ADGRL3: variants seen among roughly 807,000 people sequenced by gnomAD.
ADGRL3 encodes adhesion G protein-coupled receptor L3.
ADGRL3 carries 62 observed loss-of-function variants against 153.5 expected under a neutral mutation model. The observed-to-expected ratio is 0.40, with a 90% CI of 0.33 to 0.50. ADGRL3 has a LOEUF of 0.50. ADGRL3 is among the 20% of genes least tolerant of loss of function. The probability of loss-of-function intolerance (pLI) is 0.47; values close to 1 mark genes in which losing one functional copy is unlikely to be tolerated. For synonymous variants in ADGRL3, 710 were observed against 672.5 expected (o/e 1.06, Z -0.86); for missense variants, 1,641 against 1,859.4 (o/e 0.88, Z 2.16).
rs1398457118 is a variant in ADGRL3, at chr4:62,007,381, T to TAC, written c.3395+9117_3395+9118insCA. Among the ~76,000 whole-genome samples the TAC allele has an allele frequency of 6.9e-3, 64 of 9,316 alleles. 1 individual carries two copies. The highest frequency in any genetic ancestry group is 0.023 in the East Asian group (2 of 86). 6.1% of individuals were successfully genotyped at this position (9,316 alleles called of 152,430 possible). A position where few individuals can be genotyped will look rare whatever the true frequency, so the allele number is the denominator to read the frequency against. On this transcript the variant is annotated intron_variant, in intron 21 of 26. Coordinates refer to ENST00000683033, the MANE Select transcript of ADGRL3 (RefSeq NM_001387552.1). Reference sequence around the variant, plus strand: ...TTATATATATATATATATATATATATATACACACACACACATATATATATA... The same window carrying TAC: ...TTATATATATATATATATATATATATACATACACACACACACATATATATATA...
intron 1 of ADGRL3, among the ~76,000 whole-genome samples, chr4:61,334,228 T>A (rs1033620741): frequency 1.3e-4 from 20 of 152,304 alleles, no homozygotes; most frequent in East Asian, 3.9e-4. Context: ...ACATTTTTTT[T>A]AAATGCTTTT....
chr4:62,058,622 C>G (rs1444253967), intron 25 of ADGRL3, among the ~76,000 whole-genome samples: 2 of 152,108 alleles, frequency 1.3e-5, no homozygotes, highest in Non-Finnish European at 2.9e-5. Context: ...GTAACTATCT[C>G]GTCCTCCCTG....
intron 5 of ADGRL3, among the ~76,000 whole-genome samples, chr4:61,634,676 G>A (rs866720262): frequency 7.2e-5 from 11 of 152,194 alleles, no homozygotes; most frequent in African/African-American, 2.6e-4. Context: ...GAAATGTGAT[G>A]GGCTGCTGTT....
chr4:61,492,447 G>T (rs1232896474), intron 2 of ADGRL3, among the ~76,000 whole-genome samples: 1 of 152,070 alleles, frequency 6.6e-6, no homozygotes, highest in African/African-American at 2.4e-5. Context: ...TTTAAGAGTA[G>T]CTAACACATT....
At chr4:61,398,633 G>A (rs1485393444) in intron 2 of ADGRL3, among the ~76,000 whole-genome samples, 1 of 150,714 alleles carries the variant, frequency 6.6e-6, no homozygotes, top group Non-Finnish European at 1.5e-5. Flanking sequence ...CATCCTTTTG[G>A]CTTCTTCTGT....
intron 20 of ADGRL3, among the ~76,000 whole-genome samples, chr4:61,997,453 T>A (rs2099125609): frequency 6.6e-6 from 1 of 152,122 alleles, no homozygotes; most frequent in South Asian, 2.1e-4. Context: ...CATGTATTTT[T>A]GAGAGTATTT....
At chr4:61,395,550 C>T (rs1355202578) in intron 2 of ADGRL3, among the ~76,000 whole-genome samples, 1 of 151,810 alleles carries the variant, frequency 6.6e-6, no homozygotes, top group Non-Finnish European at 1.5e-5. Context: ...GGTGCTTTCT[C>T]AGCTGGCTTA....
chr4:62,019,020 G>A (rs1199062763), intron 21 of ADGRL3, among the ~76,000 whole-genome samples: 1 of 152,152 alleles, frequency 6.6e-6, no homozygotes, highest in Non-Finnish European at 1.5e-5. Flanking sequence ...GAGCAGGAAA[G>A]TGACTCTGTA....
At chr4:61,916,957 A>AAAAAAT (rs917452970) in intron 13 of ADGRL3, among the ~76,000 whole-genome samples, 2 of 152,134 alleles carry the variant, frequency 1.3e-5, no homozygotes, top group Non-Finnish European at 2.9e-5. Flanking sequence ...CATCTCCAAA[A>AAAAAAT]AAAAATAAAA....
chr4:61,709,155 T>G (rs2095913464), intron 6 of ADGRL3, among the ~76,000 whole-genome samples: 1 of 152,124 alleles, frequency 6.6e-6, no homozygotes, highest in Admixed American at 6.6e-5. Context: ...ATTTCCTAAT[T>G]TGTTATATTG....
At chr4:61,661,146 G>T (rs1433024326) in intron 5 of ADGRL3, among the ~76,000 whole-genome samples, 1 of 151,976 alleles carries the variant, frequency 6.6e-6, no homozygotes, top group Non-Finnish European at 1.5e-5. Flanking sequence ...AATATTAAAT[G>T]TAGACTTCTG....
chr4:62,049,744 A>G (rs999538125), intron 25 of ADGRL3, among the ~76,000 whole-genome samples: 6 of 152,156 alleles, frequency 3.9e-5, no homozygotes, highest in Non-Finnish European at 7.4e-5. Flanking sequence ...ATTTGCAAGT[A>G]GTTGACCTAC....
Position 61,743,859 on chromosome 4 carries a change from C to T in ADGRL3, c.1399+10305C>T, listed in dbSNP as rs533536561. On this transcript the variant is annotated intron_variant, in intron 8 of 26. Transcript: ENST00000683033. The stretch of plus-strand genomic sequence containing the variant: ...TCACTAGGGAGTGCCAGACAGTGGG[C>T]GCAGGACAGTGGGTGCAGCACACCG... Among the ~76,000 whole-genome samples, 36 of 152,254 alleles carry T rather than the reference C, an allele frequency of 2.4e-4. 1 individual carries two copies. Among genetic ancestry groups the T allele is most frequent in the Admixed American group, 1.4e-3 (22 of 15,294 alleles).
intron 6 of ADGRL3, among the ~76,000 whole-genome samples, chr4:61,699,330 A>G (rs1025873829): frequency 1.3e-5 from 2 of 152,206 alleles, no homozygotes; most frequent in African/African-American, 2.4e-5. Context: ...TTAAAAAATA[A>G]TATTTCTTAG....
At chr4:61,302,923 A>G (rs1028525565) in intron 1 of ADGRL3, among the ~76,000 whole-genome samples, 17 of 152,150 alleles carry the variant, frequency 1.1e-4, no homozygotes, top group African/African-American at 2.4e-5. Context: ...TGAAAACTAC[A>G]TGGACTATTT....
chr4:61,319,191 A>C (rs2095302528), intron 1 of ADGRL3, among the ~76,000 whole-genome samples: 2 of 152,180 alleles, frequency 1.3e-5, no homozygotes, highest in Non-Finnish European at 2.9e-5. Flanking sequence ...AATTTGTTAG[A>C]GATGTAGCAT....
intron 20 of ADGRL3, 87 bp downstream of exon 20, chr4:61,996,444 G>A (rs2099121957): frequency 4.5e-6 from 4 of 880,930 alleles, no homozygotes; most frequent in Non-Finnish European, 7.4e-6. Context: ...AATTTACAGA[G>A]GTTAATTTGG....
At chr4:61,218,359 G>A (rs1165111543) in intron 1 of ADGRL3, among the ~76,000 whole-genome samples, 1 of 151,746 alleles carries the variant, frequency 6.6e-6, no homozygotes, top group African/African-American at 2.4e-5. Context: ...CACCCAGGCT[G>A]GAGTGCAGCA....
chr4:62,018,660 G>T (rs1390456022), intron 21 of ADGRL3, among the ~76,000 whole-genome samples: 1 of 152,166 alleles, frequency 6.6e-6, no homozygotes, highest in Non-Finnish European at 1.5e-5. Context: ...TAGGAGCCCA[G>T]CTGGGATTGG....
Sources: allele counts gnomAD v4.1 joint callset (sites outside exome capture counted in the v4.1 genomes callset), GRCh38; gene constraint gnomAD v4.1.1; transcripts MANE v1.5; gene names NCBI Gene and HGNC (gene_info 2026-07-23, HGNC 2026-07-21).